Variants in PDE4B observed in about 807,000 individuals in gnomAD.
PDE4B encodes 3',5'-cyclic-AMP phosphodiesterase 4B.
A neutral mutation model predicts 82.2 loss-of-function variants in PDE4B; 20 were observed. The ratio of observed to expected loss-of-function variants is 0.24; its 90% CI spans 0.17 to 0.35. The LOEUF is 0.35. PDE4B is among the 10% of genes least tolerant of loss of function. The probability of loss-of-function intolerance (pLI) is 1.00; values close to 1 mark genes in which losing one functional copy is unlikely to be tolerated. For synonymous variants in PDE4B, 320 were observed against 318.9 expected, an observed-to-expected ratio of 1.00 and a Z score of -0.04; for missense variants, 655 against 907.2, an observed-to-expected ratio of 0.72 and a Z score of 3.57.
rs1176102958 is a variant in PDE4B at position 65,919,166 on chromosome 1, T to C, written c.281+331T>C. On this transcript the variant is annotated intron_variant, in intron 3 of 16. Coordinates refer to ENST00000341517, the MANE Select transcript of PDE4B (RefSeq NM_002600.4). Reference sequence around the variant, plus strand: ...ACAGTGTGCATCAGTATTTTTTGACTTAGAAAAACAAATTACATGTTACTA... The same window carrying C: ...ACAGTGTGCATCAGTATTTTTTGACCTAGAAAAACAAATTACATGTTACTA... Among the ~76,000 whole-genome samples the C allele has an allele frequency of 2.6e-5, 4 of 152,352 alleles. No individual in the cohort carries two copies. The South Asian group carries it at 6.2e-4, about 24-fold the overall frequency.
intron 3 of PDE4B, among the ~76,000 whole-genome samples, chr1:66,107,957 A>G (rs1003632502): frequency 1.3e-5 from 2 of 152,018 alleles, no homozygotes; most frequent in African/African-American, 2.4e-5. Context: ...AAAAAGATAC[A>G]CATTTATTTT....
chr1:66,065,351 A>G lies in PDE4B; in HGVS notation c.281+146516A>G, dbSNP rs975219649. Among the ~76,000 whole-genome samples the G allele has an allele frequency of 3.9e-5, 6 of 151,926 alleles. No homozygotes were observed. The South Asian group carries it at 1.0e-3, about 26-fold the overall frequency. On this transcript the variant is annotated intron_variant, in intron 3 of 16. Transcript: ENST00000341517. Reference sequence around the variant, plus strand: ...GCATCCTGATTTCAGAAACATTAACATGTAAAAAAATGCATACTTTAGAAT... The same window carrying G: ...GCATCCTGATTTCAGAAACATTAACGTGTAAAAAAATGCATACTTTAGAAT...
At chr1:66,302,288 T>C (rs1451513348) in intron 7 of PDE4B, among the ~76,000 whole-genome samples, 1 of 152,118 alleles carries the variant, frequency 6.6e-6, no homozygotes, top group Non-Finnish European at 1.5e-5. Context: ...TTTCCACATT[T>C]ATAAAAAAGA....
chr1:66,029,014 C>T (rs1216698932), intron 3 of PDE4B, among the ~76,000 whole-genome samples: 2 of 152,280 alleles, frequency 1.3e-5, no homozygotes, highest in African/African-American at 4.8e-5. Flanking sequence ...TCAGCAACGC[C>T]CCACTCTACT....
intron 3 of PDE4B, among the ~76,000 whole-genome samples, chr1:66,082,391 A>T (rs2100964787): frequency 6.6e-6 from 1 of 152,224 alleles, no homozygotes; most frequent in East Asian, 1.9e-4. Context: ...GGTATAAAAA[A>T]GTTATCTGGT....
At chr1:66,261,364 C>A (rs1014280319) in intron 6 of PDE4B, among the ~76,000 whole-genome samples, 2 of 152,184 alleles carry the variant, frequency 1.3e-5, no homozygotes, top group Middle Eastern at 3.2e-3. Context: ...AACACACACA[C>A]AGACACACAC....
intron 1 of PDE4B, among the ~76,000 whole-genome samples, chr1:65,849,536 C>G (rs1485660026): frequency 6.6e-6 from 1 of 152,076 alleles, no homozygotes. Context: ...CCAGTGTATG[C>G]CATTCAAGGG....
At chr1:66,136,247 T>C (rs1164970596) in intron 3 of PDE4B, among the ~76,000 whole-genome samples, 1 of 152,212 alleles carries the variant, frequency 6.6e-6, no homozygotes, top group African/African-American at 2.4e-5. Context: ...TCCTGAAACA[T>C]GGACTAGTTG....
chr1:66,067,485 T>C (rs1360066355), intron 3 of PDE4B, among the ~76,000 whole-genome samples: 1 of 152,172 alleles, frequency 6.6e-6, no homozygotes, highest in African/African-American at 2.4e-5. Flanking sequence ...ATAAGTGTCT[T>C]ATTTTGAGAA....
At chr1:66,114,414 A>G (rs1208834153) in intron 3 of PDE4B, among the ~76,000 whole-genome samples, 1 of 152,210 alleles carries the variant, frequency 6.6e-6, no homozygotes, top group Non-Finnish European at 1.5e-5. Flanking sequence ...TATATAAAGT[A>G]CCAAATAATA....
At chr1:66,075,622 G>T (rs884712) in intron 3 of PDE4B, among the ~76,000 whole-genome samples, 63,198 of 151,720 alleles carry the variant, frequency 0.42, 14,390 homozygotes, top group Non-Finnish European at 0.51. Context: ...ATCTTATCTA[G>T]GAGGGGCTTT....
At chr1:66,257,596 A>C in intron 4 of PDE4B, 51 bp from the exon 5 acceptor site, 1 of 1,467,034 alleles carries the variant, frequency 6.8e-7, no homozygotes, top group Non-Finnish European at 9.5e-7. Flanking sequence ...TATATGTCAC[A>C]GTTATAATTC....
intron 3 of PDE4B, among the ~76,000 whole-genome samples, chr1:66,050,927 A>C (rs1178527100): frequency 6.6e-6 from 1 of 152,150 alleles, no homozygotes; most frequent in Non-Finnish European, 1.5e-5. Context: ...AAGAAACTAC[A>C]CAGGAAGGAC....
At chr1:66,162,356 A>G (rs1249015310) in intron 3 of PDE4B, among the ~76,000 whole-genome samples, 1 of 119,626 alleles carries the variant, frequency 8.4e-6, no homozygotes, top group Non-Finnish European at 1.6e-5. Context: ...ACCCATTCAC[A>G]TATAGCATCT....
intron 3 of PDE4B, among the ~76,000 whole-genome samples, chr1:66,085,418 A>T (rs1357069565): frequency 1.3e-5 from 2 of 152,198 alleles, no homozygotes; most frequent in South Asian, 4.1e-4. Context: ...GCTTGGAAGA[A>T]GTCATTGAGT....
chr1:65,826,671 T>A (rs1646021010), intron 1 of PDE4B, among the ~76,000 whole-genome samples: 1 of 152,048 alleles, frequency 6.6e-6, no homozygotes, highest in Admixed American at 6.6e-5. Context: ...AGAGAACTGG[T>A]GCAAATCCAC....
At chr1:65,909,391 A>G (rs568704521) in intron 1 of PDE4B, among the ~76,000 whole-genome samples, 14 of 152,294 alleles carry the variant, frequency 9.2e-5, no homozygotes, top group Middle Eastern at 3.4e-3. Context: ...TTAGCCAGGT[A>G]TCACTAGTAC....
intron 6 of PDE4B, among the ~76,000 whole-genome samples, chr1:66,263,419 C>A (rs1654823549): frequency 6.6e-6 from 1 of 152,200 alleles, no homozygotes; most frequent in African/African-American, 2.4e-5. Context: ...GCATATAGAA[C>A]CAAGACTGTA....
intron 3 of PDE4B, among the ~76,000 whole-genome samples, chr1:66,119,790 G>A (rs76224157): frequency 0.054 from 8,273 of 152,156 alleles, 564 homozygotes; most frequent in East Asian, 0.3. Flanking sequence ...TTAAGATGAA[G>A]TAATTAGAGT....
Sources: allele counts gnomAD v4.1 joint callset (sites outside exome capture counted in the v4.1 genomes callset), GRCh38; gene constraint gnomAD v4.1.1; transcripts MANE v1.5; gene names NCBI Gene and HGNC (gene_info 2026-07-23, HGNC 2026-07-21).